Variants in ACTR3C observed in about 807,000 individuals in gnomAD.
ACTR3C encodes actin related protein 3C.
Under a neutral mutation model 26.3 loss-of-function variants are expected in ACTR3C, and 18 were observed. That is an observed-to-expected ratio of 0.68 (90% CI 0.47 to 1.01). The LOEUF is 1.01. Among genes scored for constraint, ACTR3C ranks in the 50% least tolerant of loss-of-function variants. The pLI is 0.00. For synonymous variants in ACTR3C, 55 were observed against 94.5 expected, an observed-to-expected ratio of 0.58 and a Z score of 2.42; for missense variants, 184 against 250.7, an observed-to-expected ratio of 0.73 and a Z score of 1.80.
At chr7:150,033,481 C>T in the ACTR3C span, among the ~76,000 whole-genome samples, 1 of 152,188 alleles carries the variant, frequency 6.6e-6, no homozygotes, top group Admixed American at 6.5e-5. Context: ...GAACTTTCTT[C>T]TAGGACACCT....
At chr7:150,033,754 T>TG in the ACTR3C span, among the ~76,000 whole-genome samples, 3 of 124,026 alleles carry the variant, frequency 2.4e-5, no homozygotes, top group Non-Finnish European at 5.0e-5. Flanking sequence ...CCCACCCTCG[T>TG]GGGGGGTGCT....
At chr7:150,019,599 AAATAATAATAATAAT>A in the ACTR3C span, among the ~76,000 whole-genome samples, 6 of 109,816 alleles carry the variant, frequency 5.5e-5, no homozygotes, top group African/African-American at 2.0e-4. Flanking sequence ...TCAAAAATAA[AAATAATAATAATAAT>A]AATAATAATA....
the ACTR3C span, among the ~76,000 whole-genome samples, chr7:150,150,187 C>T: frequency 2.0e-5 from 3 of 152,120 alleles, no homozygotes; most frequent in African/African-American, 7.2e-5. Flanking sequence ...CAATACTCAT[C>T]TCAGGGATTG....
At chr7:150,310,187 G>A (rs1584991167) in intron 1 of ACTR3C, among the ~76,000 whole-genome samples, 1 of 152,034 alleles carries the variant, frequency 6.6e-6, no homozygotes, top group Admixed American at 6.5e-5. Flanking sequence ...CTGTCCTTTT[G>A]CCCAATTCAA....
the ACTR3C span, among the ~76,000 whole-genome samples, chr7:149,891,567 T>A: frequency 2.6e-5 from 4 of 151,440 alleles, no homozygotes; most frequent in Non-Finnish European, 5.9e-5. Flanking sequence ...GGCTCACGCC[T>A]CTAATCCAAC....
chr7:150,109,706 C>T, the ACTR3C span, among the ~76,000 whole-genome samples: 1 of 150,492 alleles, frequency 6.6e-6, no homozygotes, highest in African/African-American at 2.5e-5. Context: ...CCCAAGGGGA[C>T]TTTGTATCCT....
At chr7:149,992,350 G>A in the ACTR3C span, among the ~76,000 whole-genome samples, 2 of 152,188 alleles carry the variant, frequency 1.3e-5, no homozygotes, top group African/African-American at 4.8e-5. Context: ...ACTAAAGCAC[G>A]TTCCACCATG....
At chr7:149,928,465 C>CT in the ACTR3C span, among the ~76,000 whole-genome samples, 1 of 148,286 alleles carries the variant, frequency 6.7e-6, no homozygotes, top group African/African-American at 2.6e-5. Flanking sequence ...CATGATCCAC[C>CT]TCCTCGGCCT....
the ACTR3C span, among the ~76,000 whole-genome samples, chr7:149,980,443 T>C: frequency 0.12 from 19,017 of 152,176 alleles, 2,183 homozygotes; most frequent in African/African-American, 0.29. Context: ...ACATAAATGG[T>C]TCCTTTCCTT....
the ACTR3C span, among the ~76,000 whole-genome samples, chr7:150,133,870 T>A: frequency 6.6e-6 from 1 of 152,166 alleles, no homozygotes; most frequent in Non-Finnish European, 1.5e-5. Flanking sequence ...CCCAAGTAGC[T>A]GGGACTACAG....
chr7:149,900,635 TTTCCTC>T, the ACTR3C span, among the ~76,000 whole-genome samples: 1 of 152,194 alleles, frequency 6.6e-6, no homozygotes, highest in Non-Finnish European at 1.5e-5. Context: ...TTATTTTCCT[TTTCCTC>T]TTGCGTTTTC....
chr7:150,198,269 G>A, the ACTR3C span, among the ~76,000 whole-genome samples: 10 of 148,846 alleles, frequency 6.7e-5, no homozygotes, highest in African/African-American at 1.0e-4. Flanking sequence ...CCGCCACCCC[G>A]TCTGGGAAGT....
the ACTR3C span, among the ~76,000 whole-genome samples, chr7:150,146,389 G>C: frequency 6.6e-6 from 1 of 152,138 alleles, no homozygotes; most frequent in South Asian, 2.1e-4. Flanking sequence ...GTAAGACAAA[G>C]AGTTCCACTA....
the ACTR3C span, among the ~76,000 whole-genome samples, chr7:149,996,488 A>G: frequency 6.7e-6 from 1 of 149,730 alleles, no homozygotes; most frequent in Admixed American, 6.7e-5. Flanking sequence ...GTGGTCTTCA[A>G]TTCTATGTAA....
chr7:150,072,529 G>A, the ACTR3C span, among the ~76,000 whole-genome samples: 191 of 142,924 alleles, frequency 1.3e-3, 1 homozygote, highest in African/African-American at 4.5e-3. Context: ...TAGCTGTCCC[G>A]GCTCCACAGC....
At chr7:150,116,453 A>G in the ACTR3C span, among the ~76,000 whole-genome samples, 5 of 152,214 alleles carry the variant, frequency 3.3e-5, no homozygotes, top group South Asian at 2.1e-4. Flanking sequence ...ACATGTTTCT[A>G]TGAAAAAGTT....
chr7:150,106,847 TG>T, the ACTR3C span, among the ~76,000 whole-genome samples: 1 of 146,366 alleles, frequency 6.8e-6, no homozygotes, highest in African/African-American at 2.7e-5. Flanking sequence ...GGAGATGTAC[TG>T]GGTGGCTGGG....
chr7:150,268,260 A>T (rs1834199362), intron 6 of ACTR3C, among the ~76,000 whole-genome samples: 1 of 148,440 alleles, frequency 6.7e-6, no homozygotes, highest in African/African-American at 2.6e-5. Flanking sequence ...CATAGTTGCT[A>T]TGGACAACAG....
the ACTR3C span, among the ~76,000 whole-genome samples, chr7:150,038,083 T>G: frequency 3.7e-5 from 5 of 133,508 alleles, 1 homozygote; most frequent in African/African-American, 1.2e-4. Flanking sequence ...TCGCGGGGGG[T>G]GCCTCCCCCC....
Sources: gnomAD v4.1 joint callset for allele counts (sites outside exome capture counted in the v4.1 genomes callset) on GRCh38, gnomAD v4.1.1 for gene constraint, MANE v1.5 for transcripts, NCBI Gene and HGNC (gene_info 2026-07-23, HGNC 2026-07-21) for gene names.